PCDHA9: variants seen among roughly 807,000 people sequenced by gnomAD.
PCDHA9 encodes protocadherin alpha-9.
A neutral mutation model predicts 62.0 loss-of-function variants in PCDHA9; 62 were observed. That is an observed-to-expected ratio of 1.00 (90% CI 0.81 to 1.23). The LOEUF (loss-of-function observed/expected upper bound fraction) is 1.23, where lower values mean the gene tolerates loss of function less well. Among genes scored for constraint, PCDHA9 ranks in the 50% most tolerant of loss-of-function variants. The pLI, the probability that PCDHA9 is intolerant of heterozygous loss-of-function variation, is 0.00. For synonymous variants in PCDHA9, 557 were observed against 567.6 expected, an observed-to-expected ratio of 0.98 and a Z score of 0.27; for missense variants, 1,205 against 1,249.8, an observed-to-expected ratio of 0.96 and a Z score of 0.54.
chr5:140,857,908 G>A (rs782073504), intron 1 of PCDHA9: 2 of 1,597,838 alleles, frequency 1.3e-6, no homozygotes, highest in Non-Finnish European at 1.7e-6. Flanking sequence ...CACGCATCCC[G>A]TTTCGCGTGG....
rs564306575 is a variant in PCDHA9, at chr5:140,927,833, A to G, written c.2395-51116A>G. On this transcript the variant is annotated intron_variant, in intron 1 of 3. Coordinates refer to ENST00000532602, the MANE Select transcript of PCDHA9 (RefSeq NM_031857.2). Reference sequence around the variant, plus strand: ...TTGGAGGCATACATTGAGGCGAGGGACGAAGGTGTCTTTGGTTTAGCTAGC... The same window carrying G: ...TTGGAGGCATACATTGAGGCGAGGGGCGAAGGTGTCTTTGGTTTAGCTAGC... 5.0e-6 allele frequency: 8 copies of G among 1,614,044 alleles called. No individual in the cohort carries two copies. Among genetic ancestry groups the G allele is most frequent in the African/African-American group, 4.0e-5 (3 of 74,914 alleles).
At chr5:140,911,158 G>A (rs1274383238) in intron 1 of PCDHA9, among the ~76,000 whole-genome samples, 1 of 152,162 alleles carries the variant, frequency 6.6e-6, no homozygotes, top group African/African-American at 2.4e-5. Context: ...TCAGACAAAT[G>A]TGGAAAGGCT....
intron 1 of PCDHA9, among the ~76,000 whole-genome samples, chr5:140,897,064 CTT>C (rs1313385579): frequency 3.3e-5 from 5 of 152,042 alleles, no homozygotes; most frequent in Non-Finnish European, 4.4e-5. Flanking sequence ...AATACTATGT[CTT>C]ATTCATTTTT....
At chr5:140,869,601 T>C (rs1581902552) in intron 1 of PCDHA9, 1 of 1,613,936 alleles carries the variant, frequency 6.2e-7, no homozygotes, top group East Asian at 2.2e-5. Context: ...AAGAGAATGC[T>C]CTATTGACCT....
chr5:140,966,599 C>T, intron 1 of PCDHA9: 1 of 631,096 alleles, frequency 1.6e-6, no homozygotes, highest in Non-Finnish European at 2.4e-6. Context: ...GGCCAGGAGC[C>T]CTTGGGAGGG....
intron 1 of PCDHA9, chr5:140,857,591 A>C: frequency 6.3e-7 from 1 of 1,596,270 alleles, no homozygotes; most frequent in Non-Finnish European, 8.6e-7. Flanking sequence ...GGAGAGCGGC[A>C]AGGTGTACGC....
At chr5:140,954,618 G>C (rs1312581802) in intron 1 of PCDHA9, among the ~76,000 whole-genome samples, 3 of 152,078 alleles carry the variant, frequency 2.0e-5, no homozygotes, top group Non-Finnish European at 2.9e-5. Flanking sequence ...TAATGGGCTT[G>C]TTTGGGTTTT....
At position 140,857,876 on chromosome 5, in the gene PCDHA9, T is replaced by C. The variant is rs2044975773; in HGVS notation, c.2394+6987T>C. ...ATACAACGCGTGGCTGTCGTATGAATTGCAGTCGGCGGCGGTTGGTGCACG... is the reference window on the plus strand; with the variant it reads ...ATACAACGCGTGGCTGTCGTATGAACTGCAGTCGGCGGCGGTTGGTGCACG... On this transcript the variant is annotated intron_variant, in intron 1 of 3. Coordinates refer to ENST00000532602, the MANE Select transcript of PCDHA9 (RefSeq NM_031857.2). 3.1e-6 allele frequency: 5 copies of C among 1,597,774 alleles called. 1 individual carries two copies. Among genetic ancestry groups the C allele is most frequent in the East Asian group, 2.2e-5 (1 of 44,820 alleles).
chr5:141,007,722 A>G (rs559470783), intron 3 of PCDHA9, among the ~76,000 whole-genome samples: 30 of 152,290 alleles, frequency 2.0e-4, no homozygotes, highest in African/African-American at 6.5e-4. Flanking sequence ...ACCAGGGAGA[A>G]CAAAGGTTAA....
chr5:140,875,556 C>T (rs781896642), intron 1 of PCDHA9: 4 of 1,614,128 alleles, frequency 2.5e-6, no homozygotes, highest in South Asian at 2.2e-5. Context: ...AGGTGGGGAG[C>T]GGCCAGCTCC....
intron 1 of PCDHA9, chr5:140,856,868 A>C: frequency 6.3e-7 from 1 of 1,595,926 alleles, no homozygotes; most frequent in Non-Finnish European, 8.6e-7. Flanking sequence ...AGGAATAAAC[A>C]AGGAAATGAT....
chr5:140,929,715 T>A, intron 1 of PCDHA9: 1 of 230,486 alleles, frequency 4.3e-6, no homozygotes, highest in East Asian at 9.8e-5. Flanking sequence ...ATATGGAAGG[T>A]GAAACATTTA....
chr5:140,935,389 C>T (rs559765340), intron 1 of PCDHA9, among the ~76,000 whole-genome samples: 20 of 152,288 alleles, frequency 1.3e-4, no homozygotes, highest in African/African-American at 4.8e-4. Flanking sequence ...CATTTGTTAT[C>T]CCACGGGACT....
intron 1 of PCDHA9, among the ~76,000 whole-genome samples, chr5:140,941,150 G>A (rs894422349): frequency 1.1e-4 from 17 of 151,436 alleles, no homozygotes; most frequent in Non-Finnish European, 1.8e-4. Context: ...TAGTTTGGAG[G>A]CCCCATAAGA....
intron 1 of PCDHA9, among the ~76,000 whole-genome samples, chr5:140,973,118 G>T (rs1554234897): frequency 1.3e-5 from 2 of 152,168 alleles, no homozygotes; most frequent in Non-Finnish European, 2.9e-5. Context: ...TAGCAGAGAT[G>T]AATTAAGTTT....
At chr5:140,903,370 G>A (rs1185137848) in intron 1 of PCDHA9, among the ~76,000 whole-genome samples, 8 of 152,136 alleles carry the variant, frequency 5.3e-5, no homozygotes, top group African/African-American at 1.9e-4. Flanking sequence ...AAAAATATAG[G>A]GAGGATTGTG....
intron 3 of PCDHA9, among the ~76,000 whole-genome samples, chr5:141,000,421 ATTTTTTTT>A (rs34755515): frequency 1.4e-4 from 4 of 27,978 alleles, no homozygotes; most frequent in African/African-American, 7.1e-4. Flanking sequence ...ATATATATAT[ATTTTTTTT>A]TTTTTTTTTT....
chr5:141,003,001 C>T (rs1403843420), intron 3 of PCDHA9, among the ~76,000 whole-genome samples: 3 of 152,182 alleles, frequency 2.0e-5, no homozygotes, highest in Admixed American at 1.3e-4. Flanking sequence ...AGTTTATGTT[C>T]TATTAGGGAA....
chr5:140,937,812 T>A (rs930837901), intron 1 of PCDHA9, among the ~76,000 whole-genome samples: 3 of 150,742 alleles, frequency 2.0e-5, no homozygotes, highest in Non-Finnish European at 4.4e-5. Flanking sequence ...CTCGGGAAGC[T>A]GAGGCAGGAG....
Sources: gnomAD v4.1 joint callset for allele counts (sites outside exome capture counted in the v4.1 genomes callset) on GRCh38, gnomAD v4.1.1 for gene constraint, MANE v1.5 for transcripts, NCBI Gene and HGNC (gene_info 2026-07-23, HGNC 2026-07-21) for gene names.